OPA1: variants seen among roughly 807,000 people sequenced by gnomAD.
OPA1 encodes the protein OPA1 mitochondrial dynamin like GTPase.
OPA1 carries 59 observed loss-of-function variants against 152.9 expected under a neutral mutation model. The ratio of observed to expected loss-of-function variants is 0.39; its 90% CI spans 0.31 to 0.48. The LOEUF (loss-of-function observed/expected upper bound fraction) is 0.48. Ranked by LOEUF, OPA1 falls within the 20% of genes least tolerant of loss-of-function variation. The pLI is 0.96. For missense variants in OPA1, 1,008 were observed against 1,216.8 expected (o/e 0.83, Z 2.55); for synonymous variants, 400 against 389.9 (o/e 1.03, Z -0.31).
At chr3:193,635,256 A>G (rs1268675357) in intron 8 of OPA1, among the ~76,000 whole-genome samples, 162 bp from the exon 9 acceptor site, 1 of 152,166 alleles carries the variant, frequency 6.6e-6, no homozygotes, top group Non-Finnish European at 1.5e-5. Context: ...GATAATAGTC[A>G]TTGTTTATTT....
At position 193,668,626 on chromosome 3, in the gene OPA1, C is replaced by T. The variant is rs1360250403; in HGVS notation, c.2983+1346C>T. ...GCTTCGCCAGCCTGCACCAGGCCAC[C>T]CTCCTGCACAGATACTCTCCTCAGT... On this transcript the variant is annotated intron_variant, in intron 29 of 30. Coordinates refer to ENST00000361510, the MANE Select transcript of OPA1 (RefSeq NM_130837.3). 3.3e-6 allele frequency: 5 copies of T among 1,528,732 alleles called. No individual in the cohort carries two copies. The East Asian group carries it at 1.3e-4, about 39-fold the overall frequency. The allele number at this position is 1,528,732 out of a possible 1,614,324, so 94.7% of individuals were successfully genotyped here. A position where few individuals can be genotyped will look rare whatever the true frequency, so the allele number is the denominator to read the frequency against.
chr3:193,691,214 C>T (rs536942622), intron 29 of OPA1, among the ~76,000 whole-genome samples: 3 of 152,260 alleles, frequency 2.0e-5, no homozygotes, highest in Non-Finnish European at 4.4e-5. Context: ...GAGTAGGACC[C>T]CCATCTCAGA....
chr3:193,672,741 C>T (rs1457355175), intron 29 of OPA1, among the ~76,000 whole-genome samples: 3 of 151,904 alleles, frequency 2.0e-5, no homozygotes, highest in African/African-American at 4.8e-5. Context: ...TGGTGGCAGG[C>T]GCCTGTAATT....
intron 1 of OPA1, among the ~76,000 whole-genome samples, chr3:193,595,891 A>T (rs951206646): frequency 6.6e-6 from 1 of 152,102 alleles, no homozygotes; most frequent in African/African-American, 2.4e-5. Flanking sequence ...CCAAAGTAAG[A>T]TTTGTACTCG....
chr3:193,625,648 A>G (rs1191513173), intron 6 of OPA1, among the ~76,000 whole-genome samples: 1 of 152,112 alleles, frequency 6.6e-6, no homozygotes, highest in South Asian at 2.1e-4. Flanking sequence ...AATAAATGAA[A>G]TATCAAGAAA....
chr3:193,614,543 T>C (rs1359934008), intron 1 of OPA1, among the ~76,000 whole-genome samples, 180 bp from the exon 2 acceptor site: 2 of 152,216 alleles, frequency 1.3e-5, no homozygotes, highest in Non-Finnish European at 2.9e-5. Flanking sequence ...TTAAATGAGA[T>C]AGCACATACT....
At chr3:193,637,367 C>A in intron 10 of OPA1, 86 bp downstream of exon 10, 1 of 788,638 alleles carries the variant, frequency 1.3e-6, no homozygotes, top group Non-Finnish European at 2.3e-6. Flanking sequence ...TATATGTACA[C>A]ATACACATAT....
intron 3 of OPA1, among the ~76,000 whole-genome samples, chr3:193,616,751 A>G (rs1401834313): frequency 6.6e-6 from 1 of 152,196 alleles, no homozygotes; most frequent in African/African-American, 2.4e-5. Flanking sequence ...AAATTTTTTT[A>G]AAACCTTTGT....
Position 193,667,201 on chromosome 3 carries a change from A to G in OPA1, c.2904A>G (p.Val968=), listed in dbSNP as rs759927322. 6.3e-5 allele frequency: 101 copies of G among 1,599,410 alleles called. No individual in the cohort carries two copies. Among genetic ancestry groups the G allele is most frequent in the Non-Finnish European group, 8.3e-5 (97 of 1,166,746 alleles). ...VRRLEKNVKE[V]LEDFAEDGEK... ...GATTAGAGAAAAATGTTAAAGAGGT[A>G]TTGGAAGATTTTGCTGAAGATGGTG... The change falls in exon 29 of 31, where the codon GTA becomes GTG. Residue 968 remains valine, a synonymous_variant. Transcript: ENST00000361510.
intron 29 of OPA1, among the ~76,000 whole-genome samples, chr3:193,672,639 C>T (rs1206467476): frequency 6.6e-6 from 1 of 152,046 alleles, no homozygotes; most frequent in African/African-American, 2.4e-5. Flanking sequence ...GAGGCCGAGG[C>T]GGGTGGATCA....
intron 22 of OPA1, among the ~76,000 whole-genome samples, chr3:193,656,335 T>G (rs766716191): frequency 2.6e-5 from 4 of 152,160 alleles, no homozygotes; most frequent in Non-Finnish European, 5.9e-5. Flanking sequence ...TCACTCCGTA[T>G]TTTTGGACAG....
intron 1 of OPA1, among the ~76,000 whole-genome samples, chr3:193,596,397 T>G (rs879338429): frequency 9.8e-6 from 1 of 102,094 alleles, no homozygotes; most frequent in South Asian, 3.3e-4. Context: ...TTTCTGTTCT[T>G]TTCTTTTCTT....
intron 29 of OPA1, among the ~76,000 whole-genome samples, chr3:193,675,756 C>T (rs1419910655): frequency 6.6e-6 from 1 of 152,222 alleles, no homozygotes; most frequent in Non-Finnish European, 1.5e-5. Context: ...TCGATCCCTT[C>T]TGCCAAAGTG....
chr3:193,627,687 T>A (rs781284961), intron 7 of OPA1, among the ~76,000 whole-genome samples: 14 of 152,194 alleles, frequency 9.2e-5, no homozygotes, highest in Non-Finnish European at 1.9e-4. Context: ...AGCTTTTGAA[T>A]CTGACAATTC....
chr3:193,623,191 T>C (rs977503873), intron 6 of OPA1, among the ~76,000 whole-genome samples: 6 of 152,130 alleles, frequency 3.9e-5, no homozygotes, highest in Admixed American at 2.6e-4. Context: ...GCTCTGGCCT[T>C]TTTTTGTAAG....
chr3:193,659,378 T>C (rs553021392), intron 24 of OPA1, 104 bp from the exon 25 acceptor site: 1 of 986,774 alleles, frequency 1.0e-6, no homozygotes, highest in African/African-American at 1.6e-5. Flanking sequence ...TGCCTTCATA[T>C]TGATATAGCA....
chr3:193,668,456 C>G (rs1269253774), intron 29 of OPA1: 1 of 1,550,614 alleles, frequency 6.4e-7, no homozygotes, highest in East Asian at 2.4e-5. Context: ...GTCCCTTTTA[C>G]TGAGCTCTGC....
chr3:193,625,394 CTG>C (rs367559649), intron 6 of OPA1, among the ~76,000 whole-genome samples: 5 of 151,828 alleles, frequency 3.3e-5, no homozygotes, highest in African/African-American at 1.2e-4. Context: ...ATATGCTTGG[CTG>C]TATTCTCAGA....
At chr3:193,595,534 C>A (rs957113629) in intron 1 of OPA1, among the ~76,000 whole-genome samples, 5 of 152,158 alleles carry the variant, frequency 3.3e-5, no homozygotes, top group African/African-American at 9.7e-5. Flanking sequence ...GCATTTTCTT[C>A]TAATGTAATT....
Sources: allele counts gnomAD v4.1 joint callset (sites outside exome capture counted in the v4.1 genomes callset), GRCh38; gene constraint gnomAD v4.1.1; transcripts MANE v1.5; gene names NCBI Gene and HGNC (gene_info 2026-07-23, HGNC 2026-07-21).